Variants in ADNP2 observed in about 807,000 individuals in gnomAD.
ADNP2 encodes the protein ADNP homeobox 2, also known as activity-dependent neuroprotector homeobox protein 2.
ADNP2 carries 8 observed loss-of-function variants against 16.4 expected under a neutral mutation model. That is an observed-to-expected ratio of 0.49 (90% confidence interval 0.29 to 0.88). ADNP2 has a LOEUF of 0.88. Among genes scored for constraint, ADNP2 ranks in the 40% least tolerant of loss-of-function variants. ADNP2 has a pLI of 0.09. For missense variants in ADNP2, 1,397 were observed against 1,395.1 expected, an observed-to-expected ratio of 1.00 and a Z score of -0.02; for synonymous variants, 637 against 545.8, an observed-to-expected ratio of 1.17 and a Z score of -2.33.
chr18:80,127,110 A>G (rs185132887), intron 2 of ADNP2, among the ~76,000 whole-genome samples: 10 of 152,330 alleles, frequency 6.6e-5, no homozygotes, highest in Admixed American at 3.3e-4. Context: ...TGTTGTTAAT[A>G]TCTTCGTGTA....
At chr18:80,135,443 T>A (rs2052525382) in intron 3 of ADNP2, among the ~76,000 whole-genome samples, 169 bp from the exon 4 acceptor site, 1 of 152,124 alleles carries the variant, frequency 6.6e-6, no homozygotes, top group East Asian at 1.9e-4. Context: ...ACATAATCAC[T>A]CTCTGGCCCT....
At chr18:80,110,751 G>A (rs933318090) in intron 1 of ADNP2, among the ~76,000 whole-genome samples, 2 of 152,166 alleles carry the variant, frequency 1.3e-5, no homozygotes, top group Non-Finnish European at 2.9e-5. Flanking sequence ...ACTTCACTGC[G>A]AAGACAGCAT....
In ADNP2 at chr18:80,138,082, A is replaced by G. The variant is rs1196115403; in HGVS notation, c.2669A>G (p.Tyr890Cys). The change falls in exon 4 of 4, where the codon TAT becomes TGT. Residue 890 changes from tyrosine (Y) to cysteine (C), a missense_variant. Physicochemically the swap from Tyr to Cys is radical, Grantham distance 194. Around this residue, in one of 3 missense-constraint regions of ADNP2, gnomAD observed 611 missense variants for 648.7 expected, o/e 0.94. Transcript: ENST00000262198. ...GGCCCCTTTGTGACAACTGAGGCCT[A>G]TGAGCTGCATTTGAAGGAGAGGCAC... ...CFGPFVTTEAYELHLKERHHI... is the reference protein window; with the variant it reads ...CFGPFVTTEACELHLKERHHI... 3.1e-6 allele frequency: 5 copies of G among 1,613,792 alleles called. No homozygotes were observed. The highest frequency in any genetic ancestry group is 2.2e-5 in the East Asian group (1 of 44,894).
At chr18:80,120,852 A>G (rs1052930061) in intron 2 of ADNP2, among the ~76,000 whole-genome samples, 28 of 152,190 alleles carry the variant, frequency 1.8e-4, no homozygotes, top group African/African-American at 6.0e-4. Context: ...ATGGGGTTTC[A>G]CCATGTTGGC....
At chr18:80,135,367 T>C (rs2052524908) in intron 3 of ADNP2, among the ~76,000 whole-genome samples, 1 of 152,240 alleles carries the variant, frequency 6.6e-6, no homozygotes, top group Non-Finnish European at 1.5e-5. Flanking sequence ...TTTTGGGGAC[T>C]TTTGTACAAC....
intron 1 of ADNP2, among the ~76,000 whole-genome samples, chr18:80,114,477 T>C (rs2052376792): frequency 1.3e-5 from 2 of 152,200 alleles, no homozygotes; most frequent in African/African-American, 2.4e-5. Flanking sequence ...GTTACAAGTA[T>C]AGTACAAATA....
intron 1 of ADNP2, among the ~76,000 whole-genome samples, chr18:80,114,360 T>C (rs1364319590): frequency 6.6e-6 from 1 of 152,238 alleles, no homozygotes; most frequent in Non-Finnish European, 1.5e-5. Context: ...TCTTTATTAT[T>C]AAAGTTGAAT....
intron 2 of ADNP2, among the ~76,000 whole-genome samples, 177 bp downstream of exon 2, chr18:80,117,827 C>A (rs529923336): frequency 6.6e-6 from 1 of 152,152 alleles, no homozygotes; most frequent in Non-Finnish European, 1.5e-5. Flanking sequence ...TTAAGCTGTT[C>A]AGGTTTTTAA....
intron 2 of ADNP2, among the ~76,000 whole-genome samples, chr18:80,128,479 G>A (rs1317273758): frequency 6.6e-6 from 1 of 152,012 alleles, no homozygotes; most frequent in Non-Finnish European, 1.5e-5. Context: ...GTGAAACCCC[G>A]TCTCTACTAA....
intron 2 of ADNP2, among the ~76,000 whole-genome samples, chr18:80,123,002 AT>A (rs376796232): frequency 0.024 from 3,614 of 149,318 alleles, 61 homozygotes; most frequent in African/African-American, 0.046. Flanking sequence ...TTTCTGAGTG[AT>A]TTTTTTTTTA....
At chr18:80,127,167 G>C (rs915190263) in intron 2 of ADNP2, among the ~76,000 whole-genome samples, 1 of 152,060 alleles carries the variant, frequency 6.6e-6, no homozygotes, top group Non-Finnish European at 1.5e-5. Context: ...TTTTATTGTA[G>C]GTATGTCTGT....
chr18:80,133,356 G>C (rs1399293320), intron 3 of ADNP2, among the ~76,000 whole-genome samples, 164 bp downstream of exon 3: 3 of 152,190 alleles, frequency 2.0e-5, no homozygotes, highest in Non-Finnish European at 4.4e-5. Context: ...TATAGTGTGT[G>C]GTCAGGCAGG....
intron 2 of ADNP2, among the ~76,000 whole-genome samples, chr18:80,122,891 T>C (rs1329117325): frequency 1.3e-5 from 2 of 152,210 alleles, no homozygotes; most frequent in Admixed American, 6.5e-5. Context: ...GTTCCTGATA[T>C]TAGGAGGAGA....
At chr18:80,128,032 ACTT>A (rs1568412024) in intron 2 of ADNP2, among the ~76,000 whole-genome samples, 1 of 152,220 alleles carries the variant, frequency 6.6e-6, no homozygotes, top group African/African-American at 2.4e-5. Flanking sequence ...ATAGTAGCTT[ACTT>A]CTTTTGTCTA....
At position 80,139,565 on chromosome 18, in the gene ADNP2, C is replaced by CCTTT. The variant is rs1311135777; in HGVS notation, c.*757_*760dup. 1 of 150,344 alleles carries CCTTT rather than the reference C, an allele frequency of 6.7e-6. No homozygotes were observed. The highest frequency in any genetic ancestry group is 6.6e-5 in the Admixed American group (1 of 15,040). The allele number at this position is 150,344 out of a possible 1,614,324, so 9.3% of individuals were successfully genotyped here. A position where few individuals can be genotyped will look rare whatever the true frequency, so the allele number is the denominator to read the frequency against. On this transcript the variant is annotated 3_prime_UTR_variant, in exon 4 of 4. Coordinates refer to ENST00000262198, the MANE Select transcript of ADNP2 (RefSeq NM_014913.4). The stretch of plus-strand genomic sequence containing the variant: ...GAAATATTTTTCAGTGTAGATTTTC[C>CCTTT]CTTTTGATATGCTAAGTCATTTCTC...
chr18:80,129,105 GTTTTTTTTTTT>G (rs753934297), intron 2 of ADNP2, among the ~76,000 whole-genome samples: 1 of 81,438 alleles, frequency 1.2e-5, no homozygotes, highest in Non-Finnish European at 2.6e-5. Flanking sequence ...CTTTTTTTTT[GTTTTTTTTTTT>G]TTTTTGAGAT....
Position 80,137,800 on chromosome 18 carries a change from A to G in ADNP2, c.2387A>G (p.Lys796Arg), listed in dbSNP as rs769154244. 2 of 1,614,178 alleles carry G rather than the reference A, an allele frequency of 1.2e-6. No individual in the cohort carries two copies. Among genetic ancestry groups the G allele is most frequent in the Admixed American group, 3.3e-5 (2 of 60,036 alleles). ...SEHSRNRHLG[K>R]KKLPMDYSNR... ...CACAGCAGGAATAGGCACCTGGGGA[A>G]GAAGAAGTTGCCTATGGATTATAGC... Residue 796 changes from lysine to arginine, a missense_variant, in exon 4 of 4, where the codon AAG becomes AGG. By Grantham distance (26) the Lys-to-Arg change is conservative. Around this residue, in one of 3 missense-constraint regions of ADNP2, gnomAD observed 611 missense variants for 648.7 expected, o/e 0.94. Transcript: ENST00000262198. The surrounding 1 kb of genome is among the most constrained non-coding windows in gnomAD (Gnocchi z 4.2).
intron 2 of ADNP2, among the ~76,000 whole-genome samples, chr18:80,126,303 A>G (rs1438562173): frequency 5.9e-5 from 9 of 152,232 alleles, no homozygotes; most frequent in African/African-American, 2.2e-4. Flanking sequence ...ATCTTACAAT[A>G]TGTTGTTACT....
chr18:80,117,711 A>G, intron 2 of ADNP2, 61 bp downstream of exon 2: 4 of 1,272,662 alleles, frequency 3.1e-6, no homozygotes, highest in Non-Finnish European at 4.4e-6. Context: ...GGGTTTTTGA[A>G]GAGTGGGTAA....
Sources: allele counts gnomAD v4.1 joint callset (sites outside exome capture counted in the v4.1 genomes callset), GRCh38; gene constraint gnomAD v4.1.1; regional missense constraint gnomAD v4.1.1; non-coding constraint Gnocchi (gnomAD v3.1); transcripts MANE v1.5; gene names NCBI Gene and HGNC (gene_info 2026-07-23, HGNC 2026-07-21).